The following MB21D2 variants were observed in gnomAD, a reference collection of about 807,000 sequenced individuals.
The protein encoded by MB21D2 is Mab-21 domain containing 2.
MB21D2 carries 9 observed loss-of-function variants against 33.3 expected under a neutral mutation model. The observed-to-expected ratio is 0.27, with a 90% CI of 0.16 to 0.47. MB21D2 has a LOEUF of 0.47. Ranked by LOEUF, MB21D2 falls within the 20% of genes least tolerant of loss-of-function variation. The probability of loss-of-function intolerance (pLI) is 0.99; values close to 1 mark genes in which losing one functional copy is unlikely to be tolerated. For missense variants in MB21D2, 540 were observed against 624.6 expected (o/e 0.86, Z 1.44); for synonymous variants, 241 against 236.3 (o/e 1.02, Z -0.18).
chr3:192,798,950 G>A lies in MB21D2; in HGVS notation c.912C>T (p.Ser304=). 2 of 1,613,984 alleles carry A rather than the reference G, an allele frequency of 1.2e-6. No individual in the cohort carries two copies. Among genetic ancestry groups the A allele is most frequent in the Non-Finnish European group, 1.7e-6 (2 of 1,179,968 alleles). Residue 304 remains serine, a synonymous_variant, in exon 2 of 2, where the codon AGC becomes AGT. Coordinates refer to ENST00000392452, the MANE Select transcript of MB21D2 (RefSeq NM_178496.4). The surrounding 1 kb of genome is among the most constrained non-coding windows in gnomAD (Gnocchi z 4.8). The stretch of plus-strand genomic sequence containing the variant: ...AGGCCTGATAGGCCTGCATGAGGCT[G>A]CTGGAGATGCACTTCTTCAACTGCA... ...SEVQLKKCIS[S]SLMQAYQACK...
Position 192,905,349 on chromosome 3 carries a change from C to A in MB21D2, c.211+12281G>T, listed in dbSNP as rs577856884. ...TCTCTGCAAAATATTCAAAAATTAG[C>A]CAGGCGTGGCTGGGCATGGTGGCTC... is the stretch of plus-strand genomic sequence containing the variant. On this transcript the variant is annotated intron_variant, in intron 1 of 1. Coordinates refer to ENST00000392452, the MANE Select transcript of MB21D2 (RefSeq NM_178496.4). Among the ~76,000 whole-genome samples the A allele has an allele frequency of 1.5e-4, 23 of 152,158 alleles. No homozygotes were observed. The South Asian group carries it at 4.8e-3, about 32-fold the overall frequency.
intron 1 of MB21D2, among the ~76,000 whole-genome samples, chr3:192,815,970 TG>T (rs1159493743): frequency 2.0e-5 from 3 of 152,244 alleles, no homozygotes; most frequent in East Asian, 3.9e-4. Context: ...GAGTATCAAG[TG>T]TGGAGCTGAC....
intron 1 of MB21D2, among the ~76,000 whole-genome samples, chr3:192,916,969 C>T (rs1714480548): frequency 6.6e-6 from 1 of 152,226 alleles, no homozygotes; most frequent in African/African-American, 2.4e-5. Flanking sequence ...AGCGAGAGCC[C>T]TGAAGAAGCA....
chr3:192,799,391 T>G lies in MB21D2; in HGVS notation c.471A>C (p.Thr157=). ...WLSLRLFDEG[T]ISKWKDCCTI... ...TGCAGCAGTCTTTCCATTTACTGAT[T>G]GTCCCCTCATCAAAGAGCCGAAGGC... The change falls in exon 2 of 2, where the codon ACA becomes ACC. Residue 157 remains threonine (T), a synonymous_variant. Transcript: ENST00000392452. The surrounding 1 kb of genome is among the most constrained non-coding windows in gnomAD (Gnocchi z 4.1). 6.2e-7 allele frequency: 1 copy of G among 1,614,240 alleles called. No homozygotes were observed. The highest frequency in any genetic ancestry group is 8.5e-7 in the Non-Finnish European group (1 of 1,180,038).
intron 1 of MB21D2, among the ~76,000 whole-genome samples, chr3:192,804,031 T>C (rs578113652): frequency 5.8e-4 from 89 of 152,234 alleles, no homozygotes; most frequent in Admixed American, 1.2e-3. Flanking sequence ...ATTCACTGTT[T>C]CTTGGTTTTG....
intron 1 of MB21D2, among the ~76,000 whole-genome samples, chr3:192,871,204 G>C (rs940975805): frequency 6.6e-6 from 1 of 152,056 alleles, no homozygotes; most frequent in Non-Finnish European, 1.5e-5. Context: ...CCCCGCCCTT[G>C]TTGACAATCA....
chr3:192,863,245 G>A (rs1414065207), intron 1 of MB21D2, among the ~76,000 whole-genome samples: 1 of 152,188 alleles, frequency 6.6e-6, no homozygotes, highest in Non-Finnish European at 1.5e-5. Flanking sequence ...AGGGAGCACT[G>A]GCCTGCCAGG....
At chr3:192,883,138 G>T (rs779910365) in intron 1 of MB21D2, among the ~76,000 whole-genome samples, 2 of 152,080 alleles carry the variant, frequency 1.3e-5, no homozygotes, top group Admixed American at 1.3e-4. Flanking sequence ...AAAGTGCTGG[G>T]ACGACAGGTG....
In MB21D2 at chr3:192,917,772, C is replaced by T. The variant is rs776253372; in HGVS notation, c.69G>A (p.Pro23=). ...GAGCTCCCGACCTGAAATCCAGCTCCGGGAACGCAGGCTTGTTGTTACAGC... is the reference window on the plus strand; with the variant it reads ...GAGCTCCCGACCTGAAATCCAGCTCTGGGAACGCAGGCTTGTTGTTACAGC... ...SLGCNNKPAF[P]ELDFRSGARV... Residue 23 remains proline (P), a synonymous_variant, in exon 1 of 2, where the codon CCG becomes CCA. Coordinates refer to ENST00000392452, the MANE Select transcript of MB21D2 (RefSeq NM_178496.4). 17 of 1,613,790 alleles carry T rather than the reference C, an allele frequency of 1.1e-5. No homozygotes were observed. Among genetic ancestry groups the T allele is most frequent in the African/African-American group, 4.0e-5 (3 of 74,938 alleles).
chr3:192,901,385 A>C (rs373788785), intron 1 of MB21D2, among the ~76,000 whole-genome samples: 56 of 128,952 alleles, frequency 4.3e-4, no homozygotes, highest in Admixed American at 7.6e-4. Context: ...CTGGCTAACA[A>C]GGTGAAACCC....
intron 1 of MB21D2, among the ~76,000 whole-genome samples, chr3:192,825,879 C>T (rs1560231907): frequency 6.6e-6 from 1 of 152,244 alleles, no homozygotes; most frequent in Non-Finnish European, 1.5e-5. Context: ...TCTGAATAAA[C>T]AAGATGTTGG....
At chr3:192,906,473 G>A in intron 1 of MB21D2, among the ~76,000 whole-genome samples, 1 of 152,118 alleles carries the variant, frequency 6.6e-6, no homozygotes, top group East Asian at 1.9e-4. Flanking sequence ...CTCCTTTCAA[G>A]TTTACCCCTC....
chr3:192,855,099 T>C (rs1034769698), intron 1 of MB21D2, among the ~76,000 whole-genome samples: 1 of 150,072 alleles, frequency 6.7e-6, no homozygotes, highest in Non-Finnish European at 1.5e-5. Context: ...TTTTTAGCAA[T>C]AATTCTTTTT....
At chr3:192,830,021 C>A (rs1712278281) in intron 1 of MB21D2, among the ~76,000 whole-genome samples, 1 of 152,066 alleles carries the variant, frequency 6.6e-6, no homozygotes. Flanking sequence ...TGCCACAATA[C>A]CCAGATAATT....
At chr3:192,877,363 G>A (rs549538965) in intron 1 of MB21D2, among the ~76,000 whole-genome samples, 2 of 144,724 alleles carry the variant, frequency 1.4e-5, no homozygotes, top group African/African-American at 2.9e-5. Context: ...AAAATATGAA[G>A]TTGAACTTCC....
intron 1 of MB21D2, among the ~76,000 whole-genome samples, chr3:192,870,884 G>A (rs1240429261): frequency 6.6e-6 from 1 of 152,074 alleles, no homozygotes; most frequent in African/African-American, 2.4e-5. Context: ...GTTTCCTGTG[G>A]CTATTTTAAT....
At chr3:192,875,959 G>A (rs934433473) in intron 1 of MB21D2, among the ~76,000 whole-genome samples, 41 of 152,086 alleles carry the variant, frequency 2.7e-4, no homozygotes, top group Non-Finnish European at 2.9e-5. Context: ...TGAAGACGTA[G>A]GTACTTGTCC....
At chr3:192,824,987 T>G (rs932534385) in intron 1 of MB21D2, among the ~76,000 whole-genome samples, 5 of 152,178 alleles carry the variant, frequency 3.3e-5, no homozygotes, top group Non-Finnish European at 7.3e-5. Flanking sequence ...ATACCCCGAG[T>G]AGCTGTCCTT....
At chr3:192,810,666 TATTTC>T (rs972257049) in intron 1 of MB21D2, among the ~76,000 whole-genome samples, 3 of 152,230 alleles carry the variant, frequency 2.0e-5, no homozygotes, top group Admixed American at 2.0e-4. Context: ...TTGCCATTCT[TATTTC>T]ATTTATCCCA....
Sources: gnomAD v4.1 joint callset for allele counts (sites outside exome capture counted in the v4.1 genomes callset) on GRCh38, gnomAD v4.1.1 for gene constraint, Gnocchi (gnomAD v3.1) non-coding constraint, MANE v1.5 for transcripts, NCBI Gene and HGNC (gene_info 2026-07-23, HGNC 2026-07-21) for gene names.